Variants in DLG2 observed in about 807,000 individuals in gnomAD.
DLG2 encodes the protein discs large MAGUK scaffold protein 2.
A neutral mutation model predicts 132.5 loss-of-function variants in DLG2; 45 were observed. The observed-to-expected ratio is 0.34, with a 90% confidence interval of 0.27 to 0.44. The LOEUF is 0.44. DLG2 is among the 20% of genes least tolerant of loss of function. The pLI is 1.00. For synonymous variants in DLG2, 424 were observed against 419.6 expected (o/e 1.01, Z -0.13); for missense variants, 1,045 against 1,196.9 (o/e 0.87, Z 1.87).
intron 18 of DLG2, among the ~76,000 whole-genome samples, chr11:83,633,777 CACACAA>C (rs1591358299): frequency 6.6e-6 from 1 of 150,806 alleles, no homozygotes; most frequent in East Asian, 1.9e-4. Flanking sequence ...CACACACACA[CACACAA>C]CTGCGGAAAA....
intron 2 of DLG2, among the ~76,000 whole-genome samples, chr11:85,601,005 G>A (rs1389375133): frequency 6.6e-6 from 1 of 152,100 alleles, no homozygotes; most frequent in Non-Finnish European, 1.5e-5. Context: ...CTCTGAACAT[G>A]GATCTGAGAA....
intron 18 of DLG2, among the ~76,000 whole-genome samples, chr11:83,724,302 G>C (rs1401184586): frequency 6.6e-6 from 1 of 152,100 alleles, no homozygotes; most frequent in Non-Finnish European, 1.5e-5. Context: ...CCCTGGATTA[G>C]AACTAGGCTC....
intron 15 of DLG2, among the ~76,000 whole-genome samples, chr11:83,909,231 C>T (rs1054695358): frequency 7.9e-5 from 12 of 152,202 alleles, no homozygotes; most frequent in African/African-American, 2.4e-4. Flanking sequence ...GCTACACAAC[C>T]TTGGGCAGGC....
chr11:85,410,079 T>A (rs2089178315), intron 3 of DLG2, among the ~76,000 whole-genome samples: 1 of 151,866 alleles, frequency 6.6e-6, no homozygotes, highest in Non-Finnish European at 1.5e-5. Flanking sequence ...TAAACATATG[T>A]GCTCATGTAA....
chr11:83,950,786 C>A (rs994802671), intron 14 of DLG2, among the ~76,000 whole-genome samples: 2 of 152,118 alleles, frequency 1.3e-5, no homozygotes, highest in Admixed American at 1.3e-4. Context: ...ATCTCAGTCA[C>A]CCCCTGGAAG....
intron 7 of DLG2, among the ~76,000 whole-genome samples, chr11:84,371,259 CTT>C (rs576166355): frequency 0.035 from 4,835 of 137,644 alleles, 99 homozygotes; most frequent in Middle Eastern, 0.071. Flanking sequence ...TATACAAAAT[CTT>C]TTTTTTTTTT....
chr11:84,424,938 G>A (rs2098961638), intron 7 of DLG2, among the ~76,000 whole-genome samples: 2 of 152,032 alleles, frequency 1.3e-5, no homozygotes, highest in South Asian at 4.2e-4. Context: ...TAAATAAGAG[G>A]GAAAAACTGG....
intron 6 of DLG2, chr11:84,763,291 G>A (rs1318829644): frequency 6.6e-6 from 1 of 152,160 alleles, no homozygotes; most frequent in Non-Finnish European, 1.5e-5. Context: ...TCTCAACAGG[G>A]CCTGCCTCTT....
intron 6 of DLG2, among the ~76,000 whole-genome samples, chr11:84,577,838 G>T (rs2099505942): frequency 6.6e-6 from 1 of 152,180 alleles, no homozygotes; most frequent in African/African-American, 2.4e-5. Context: ...GGCCATGTCA[G>T]AGACCTTCAT....
chr11:84,721,854 G>T (rs180679747), intron 6 of DLG2, among the ~76,000 whole-genome samples: 1 of 152,332 alleles, frequency 6.6e-6, no homozygotes, highest in Admixed American at 6.5e-5. Flanking sequence ...CTAAAGGGTT[G>T]TCAGGAAGAC....
chr11:84,553,263 C>G (rs1015267886), intron 6 of DLG2, among the ~76,000 whole-genome samples: 4 of 152,170 alleles, frequency 2.6e-5, no homozygotes, highest in Admixed American at 1.3e-4. Flanking sequence ...ATTCATCCCT[C>G]ATTTCACTGA....
intron 15 of DLG2, among the ~76,000 whole-genome samples, chr11:83,883,019 A>G (rs2066729795): frequency 6.6e-6 from 1 of 152,160 alleles, no homozygotes; most frequent in Non-Finnish European, 1.5e-5. Context: ...AATGACGAAC[A>G]TGGCAGCCCA....
chr11:84,868,392 G>T (rs1449861111), intron 6 of DLG2, among the ~76,000 whole-genome samples: 1 of 151,974 alleles, frequency 6.6e-6, no homozygotes. Flanking sequence ...AGTCAGCAAG[G>T]TCATTCTGCA....
At chr11:85,515,932 T>C (rs1260025301) in intron 3 of DLG2, among the ~76,000 whole-genome samples, 1 of 152,060 alleles carries the variant, frequency 6.6e-6, no homozygotes, top group Non-Finnish European at 1.5e-5. Context: ...CAGTTCTCCT[T>C]GATTACAAAG....
At chr11:84,677,459 C>T (rs2099715959) in intron 6 of DLG2, among the ~76,000 whole-genome samples, 3 of 152,060 alleles carry the variant, frequency 2.0e-5, no homozygotes, top group Non-Finnish European at 4.4e-5. Flanking sequence ...AGTGACCATA[C>T]TGGAACAAAA....
At chr11:85,438,167 G>A (rs1043379811) in intron 3 of DLG2, among the ~76,000 whole-genome samples, 1 of 152,056 alleles carries the variant, frequency 6.6e-6, no homozygotes, top group Admixed American at 6.6e-5. Flanking sequence ...GATCTGGTGG[G>A]AACTATAGAG....
chr11:84,046,289 G>A (rs2096241875), intron 11 of DLG2, among the ~76,000 whole-genome samples: 1 of 151,518 alleles, frequency 6.6e-6, no homozygotes, highest in South Asian at 2.1e-4. Flanking sequence ...CGTAATGAGT[G>A]AAAATATATG....
chr11:85,100,287 TAAC>T, intron 6 of DLG2, among the ~76,000 whole-genome samples: 1 of 152,064 alleles, frequency 6.6e-6, no homozygotes, highest in Non-Finnish European at 1.5e-5. Flanking sequence ...AATATAATAA[TAAC>T]AATAAAATTA....
At chr11:84,917,585 T>C (rs1263455091) in intron 6 of DLG2, among the ~76,000 whole-genome samples, 2 of 152,164 alleles carry the variant, frequency 1.3e-5, no homozygotes, top group Non-Finnish European at 2.9e-5. Flanking sequence ...CTTAGGTCAT[T>C]GGGAAGCATT....
Sources: allele counts gnomAD v4.1 joint callset (sites outside exome capture counted in the v4.1 genomes callset), GRCh38; gene constraint gnomAD v4.1.1; transcripts MANE v1.5; gene names NCBI Gene and HGNC (gene_info 2026-07-23, HGNC 2026-07-21).